The following PTPN4 variants were observed in gnomAD, a reference collection of about 807,000 sequenced individuals.
The protein encoded by PTPN4 is tyrosine-protein phosphatase non-receptor type 4.
Under a neutral mutation model 135.5 loss-of-function variants are expected in PTPN4, and 49 were observed. That is an observed-to-expected ratio of 0.36 (90% CI 0.29 to 0.46). The LOEUF (loss-of-function observed/expected upper bound fraction) is 0.46, where lower values mean the gene tolerates loss of function less well. PTPN4 is among the 20% of genes least tolerant of loss of function. PTPN4 has a pLI of 1.00. For missense variants in PTPN4, 860 were observed against 1,101.0 expected (o/e 0.78, Z 3.10); for synonymous variants, 333 against 369.9 (o/e 0.90, Z 1.14).
chr2:119,976,852 G>A lies in PTPN4; in HGVS notation c.2695-132G>A, dbSNP rs1047545005. 4.2e-6 allele frequency: 6 copies of A among 1,437,614 alleles called. No homozygotes were observed. In the African/African-American group the frequency reaches 7.4e-5, roughly 18 times the overall value. The allele number at this position is 1,437,614 out of a possible 1,614,324, so 89.1% of individuals were successfully genotyped here. A position where few individuals can be genotyped will look rare whatever the true frequency, so the allele number is the denominator to read the frequency against. ...CAGTCTAGACTGTTAGTGAAAAATG[G>A]TATCTTTATGCAGTTTTGTTTTGCA... is the stretch of plus-strand genomic sequence containing the variant. On this transcript the variant is annotated intron_variant, in intron 26 of 26. Coordinates refer to ENST00000263708, the MANE Select transcript of PTPN4 (RefSeq NM_002830.4).
At chr2:119,975,580 C>A (rs2105068625) in intron 26 of PTPN4, among the ~76,000 whole-genome samples, 1 of 152,260 alleles carries the variant, frequency 6.6e-6, no homozygotes, top group South Asian at 2.1e-4. Flanking sequence ...CAAAAATTAG[C>A]CGGGCATGAT....
intron 8 of PTPN4, among the ~76,000 whole-genome samples, chr2:119,884,089 G>A (rs1414535715): frequency 1.3e-5 from 2 of 152,310 alleles, no homozygotes; most frequent in East Asian, 3.9e-4. Flanking sequence ...TAATAGAGAT[G>A]GGGTTTCACC....
rs572295883 is a variant in PTPN4 at position 119,887,278 on chromosome 2, C to T, written c.675+1396C>T. On this transcript the variant is annotated intron_variant, in intron 9 of 26. Transcript: ENST00000263708. ...GCGAGGCAGGAGGATTGTGTAAGCC[C>T]AGGTGTTCAAGACCAGCCTGGGAAA... Among the ~76,000 whole-genome samples the T allele has an allele frequency of 2.0e-5, 3 of 152,170 alleles. No homozygotes were observed. In the East Asian group the frequency reaches 5.8e-4, roughly 29 times the overall value.
chr2:119,847,401 C>T (rs1172335600), intron 2 of PTPN4, among the ~76,000 whole-genome samples: 2 of 149,668 alleles, frequency 1.3e-5, no homozygotes, highest in Non-Finnish European at 3.0e-5. Context: ...GATCTCAGCT[C>T]ACTGCAACCT....
rs1678580609 is a variant in PTPN4, at chr2:119,912,132, G to A, written c.765-3047G>A. On this transcript the variant is annotated intron_variant, in intron 10 of 26. Transcript: ENST00000263708. Reference sequence around the variant, plus strand: ...GAAAAGATTTAGTGAAAAACACAATGCAGATGAATCTCTAAATAATTAAGC... The same window carrying A: ...GAAAAGATTTAGTGAAAAACACAATACAGATGAATCTCTAAATAATTAAGC... 2.0e-5 allele frequency among the ~76,000 whole-genome samples: 3 copies of A among 152,168 alleles called. No homozygotes were observed. In the South Asian group the frequency reaches 6.2e-4, roughly 31 times the overall value.
intron 3 of PTPN4, among the ~76,000 whole-genome samples, chr2:119,876,299 G>A (rs1465070406): frequency 6.6e-6 from 1 of 152,142 alleles, no homozygotes; most frequent in East Asian, 1.9e-4. Context: ...ACATGGTGAT[G>A]AGAAAATCAA....
chr2:119,857,979 T>C (rs189779361), intron 2 of PTPN4, among the ~76,000 whole-genome samples: 30 of 152,310 alleles, frequency 2.0e-4, no homozygotes, highest in Admixed American at 1.8e-3. Flanking sequence ...CTTGGTGATA[T>C]GCGAGTTCTT....
chr2:119,765,902 C>T (rs1365371316), intron 1 of PTPN4, among the ~76,000 whole-genome samples: 1 of 134,542 alleles, frequency 7.4e-6, no homozygotes, highest in Non-Finnish European at 1.6e-5. Context: ...TTGTCTGTTC[C>T]TGTGTGTGAA....
chr2:119,909,341 C>G (rs910590777), intron 10 of PTPN4, among the ~76,000 whole-genome samples: 1 of 152,158 alleles, frequency 6.6e-6, no homozygotes. Context: ...CCTAAATCTA[C>G]CTTACCTGTG....
chr2:119,844,657 CG>C (rs1558742714), intron 2 of PTPN4, among the ~76,000 whole-genome samples: 4 of 149,398 alleles, frequency 2.7e-5, no homozygotes, highest in African/African-American at 1.0e-4. Context: ...AGAGGATGGG[CG>C]GCCGGGCAGA....
intron 1 of PTPN4, among the ~76,000 whole-genome samples, chr2:119,776,019 C>T (rs1212341798): frequency 6.6e-6 from 1 of 151,988 alleles, no homozygotes; most frequent in Non-Finnish European, 1.5e-5. Context: ...AGAAACAGTA[C>T]CAGAAAATAA....
chr2:119,856,416 G>T (rs1025271618), intron 2 of PTPN4, among the ~76,000 whole-genome samples: 4 of 152,172 alleles, frequency 2.6e-5, no homozygotes, highest in Admixed American at 2.0e-4. Context: ...GGAGAATGTT[G>T]TTTGGCACTG....
intron 12 of PTPN4, 96 bp downstream of exon 12, chr2:119,920,337 C>T: frequency 1.5e-6 from 2 of 1,353,962 alleles, no homozygotes. Context: ...ACCTTTGTTA[C>T]ACAAACTTAA....
intron 2 of PTPN4, among the ~76,000 whole-genome samples, chr2:119,825,573 A>G (rs1244816161): frequency 6.8e-6 from 1 of 147,490 alleles, no homozygotes; most frequent in Non-Finnish European, 1.5e-5. Context: ...TCTGCTCACT[A>G]CAACCTTCAC....
At chr2:119,818,097 T>C (rs1677014770) in intron 2 of PTPN4, among the ~76,000 whole-genome samples, 1 of 152,256 alleles carries the variant, frequency 6.6e-6, no homozygotes, top group Admixed American at 6.5e-5. Context: ...TAGGATCATG[T>C]CAACTGCAAA....
intron 10 of PTPN4, among the ~76,000 whole-genome samples, chr2:119,910,828 G>C (rs1678560706): frequency 6.6e-6 from 1 of 152,042 alleles, no homozygotes; most frequent in South Asian, 2.1e-4. Context: ...TGAACTGTGA[G>C]TCAATTAAAC....
intron 11 of PTPN4, among the ~76,000 whole-genome samples, chr2:119,918,796 T>C (rs1464247473): frequency 6.6e-6 from 1 of 152,254 alleles, no homozygotes. Flanking sequence ...TATGCATGGC[T>C]GCATTCTTCT....
intron 12 of PTPN4, among the ~76,000 whole-genome samples, chr2:119,920,762 G>C (rs1678725291): frequency 6.6e-6 from 1 of 152,104 alleles, no homozygotes; most frequent in Admixed American, 6.6e-5. Context: ...ATTCTTGATA[G>C]CTTTTATTTT....
chr2:119,896,472 C>T (rs1256241968), intron 9 of PTPN4, among the ~76,000 whole-genome samples: 4 of 152,148 alleles, frequency 2.6e-5, no homozygotes, highest in Non-Finnish European at 5.9e-5. Context: ...CTATTTCCTG[C>T]AGATTGGCAG....
Sources: gnomAD v4.1 joint callset for allele counts (sites outside exome capture counted in the v4.1 genomes callset) on GRCh38, gnomAD v4.1.1 for gene constraint, MANE v1.5 for transcripts, NCBI Gene and HGNC (gene_info 2026-07-23, HGNC 2026-07-21) for gene names.